ABCA13: variants seen among roughly 807,000 people sequenced by gnomAD.
ABCA13 encodes the protein ATP-binding cassette sub-family A member 13.
In ABCA13, 476 loss-of-function variants were observed where a neutral mutation model predicts 478.7. The observed-to-expected ratio is 0.99, with a 90% CI of 0.92 to 1.07. The LOEUF (loss-of-function observed/expected upper bound fraction) is 1.07, where lower values mean the gene tolerates loss of function less well. Ranked by LOEUF, ABCA13 falls within the 50% of genes least tolerant of loss-of-function variation. The pLI is 0.00. For synonymous variants in ABCA13, 2,252 were observed against 2,158.9 expected (o/e 1.04, Z -1.20); for missense variants, 6,060 against 5,910.6 (o/e 1.03, Z -0.83).
intron 1 of ABCA13, among the ~76,000 whole-genome samples, chr7:48,184,796 G>C (rs1796150263): frequency 6.6e-6 from 1 of 152,110 alleles, no homozygotes; most frequent in Admixed American, 6.5e-5. Context: ...CTTCAGCCTG[G>C]GTGACAGAGC....
chr7:48,438,889 T>G (rs201423985), intron 42 of ABCA13, among the ~76,000 whole-genome samples: 5 of 128,284 alleles, frequency 3.9e-5, no homozygotes, highest in Non-Finnish European at 3.5e-5. Context: ...CTAAGGTTTT[T>G]TTTTTTTTTT....
intron 58 of ABCA13, among the ~76,000 whole-genome samples, chr7:48,609,968 A>T (rs1791864608): frequency 6.6e-6 from 1 of 152,172 alleles, no homozygotes; most frequent in Admixed American, 6.5e-5. Flanking sequence ...TCTAAATCAT[A>T]TTATTTCATA....
rs1808848265 is a variant in ABCA13, at chr7:48,350,763, T to C, written c.10325T>C (p.Val3442Ala). ...AACCGTTTCCAGGCTCTGCAGTCTG[T>C]CGACATCCTGGAGACTAAAGCACAT... ...ALNRFQALQSVDILETKAHEL... is the reference protein window; with the variant it reads ...ALNRFQALQSADILETKAHEL... Residue 3442 changes from valine to alanine, a missense_variant, in exon 30 of 62, where the codon GTC becomes GCC. Coordinates refer to ENST00000435803, the MANE Select transcript of ABCA13 (RefSeq NM_152701.5). 1 of 1,613,794 alleles carries C rather than the reference T, an allele frequency of 6.2e-7. No individual in the cohort carries two copies. The highest frequency in any genetic ancestry group is 8.5e-7 in the Non-Finnish European group (1 of 1,179,858).
rs553144906 is a variant in ABCA13, at chr7:48,416,377, G to A, written c.12459+3794G>A. Reference sequence around the variant, plus strand: ...CATGTTTCCTTCTGCACCCCCTGGGGTGCTGAGAGAGCTGGGCCTCGACAG... The same window carrying A: ...CATGTTTCCTTCTGCACCCCCTGGGATGCTGAGAGAGCTGGGCCTCGACAG... On this transcript the variant is annotated intron_variant, in intron 41 of 61. Coordinates refer to ENST00000435803, the MANE Select transcript of ABCA13 (RefSeq NM_152701.5). Among the ~76,000 whole-genome samples the A allele has an allele frequency of 3.9e-5, 6 of 152,244 alleles. No individual in the cohort carries two copies. In the South Asian group the frequency reaches 1.0e-3, roughly 26 times the overall value.
intron 41 of ABCA13, among the ~76,000 whole-genome samples, chr7:48,426,236 A>G (rs1262298644): frequency 2.6e-5 from 4 of 152,228 alleles, no homozygotes; most frequent in Admixed American, 6.5e-5. Context: ...TATCTTTCAC[A>G]TGAAGGTAGC....
chr7:48,615,310 A>C lies in ABCA13; in HGVS notation c.14770A>C (p.Thr4924Pro). Residue 4924 changes from threonine (T) to proline (P), a missense_variant, in exon 59 of 62, where the codon ACA becomes CCA. Physicochemically the swap from Thr to Pro is conservative, Grantham distance 38. This residue lies in a region of ABCA13 where 1,627 missense variants were observed against 1,571.0 expected (regional missense o/e 1.04). Coordinates refer to ENST00000435803, the MANE Select transcript of ABCA13 (RefSeq NM_152701.5). ...CATGGAGGAGTGTGAGGCTCTTTGC[A>C]CAAGACTGGCCATAATGGTTAACGG... ...HSMEECEALC[T>P]RLAIMVNGSF... is the part of the protein sequence containing the mutation. The C allele has an allele frequency of 6.3e-7, 1 of 1,577,012 alleles. No individual in the cohort carries two copies. Among genetic ancestry groups the C allele is most frequent in the East Asian group, 2.3e-5 (1 of 43,564 alleles).
In ABCA13 at chr7:48,272,127, A is replaced by G; in HGVS notation, c.2461A>G (p.Arg821Gly). The change falls in exon 17 of 62, where the codon AGA (arginine) becomes GGA (glycine). Residue 821 changes from arginine (R) to glycine (G), a missense_variant. Coordinates refer to ENST00000435803, the MANE Select transcript of ABCA13 (RefSeq NM_152701.5). ...WIRKEPKNLL[R>G]FIELILFEIN... Reference sequence around the variant, plus strand: ...AAGGAAGGAACCAAAAAATCTTTTGAGATTCATAGAATTAATACTTTTTGA... The same window carrying G: ...AAGGAAGGAACCAAAAAATCTTTTGGGATTCATAGAATTAATACTTTTTGA... The G allele has an allele frequency of 6.2e-7, 1 of 1,613,578 alleles. No homozygotes were observed. The highest frequency in any genetic ancestry group is 8.5e-7 in the Non-Finnish European group (1 of 1,179,670).
chr7:48,289,097 A>G (rs975488517), intron 20 of ABCA13, among the ~76,000 whole-genome samples: 2 of 152,196 alleles, frequency 1.3e-5, no homozygotes, highest in African/African-American at 2.4e-5. Flanking sequence ...AGACTCCCAC[A>G]GCATGGCAAG....
chr7:48,257,741 A>C (rs946282723), intron 15 of ABCA13, among the ~76,000 whole-genome samples: 1 of 152,120 alleles, frequency 6.6e-6, no homozygotes, highest in African/African-American at 2.4e-5. Context: ...ATGTTCATCA[A>C]GCATACTGGC....
At chr7:48,616,466 G>A (rs924726880) in intron 59 of ABCA13, among the ~76,000 whole-genome samples, 2 of 152,140 alleles carry the variant, frequency 1.3e-5, no homozygotes, top group African/African-American at 4.8e-5. Flanking sequence ...ACCCATTCTT[G>A]ATTGTTGGGT....
chr7:48,598,545 G>A (rs1043879209), intron 58 of ABCA13, among the ~76,000 whole-genome samples: 1 of 152,094 alleles, frequency 6.6e-6, no homozygotes, highest in African/African-American at 2.4e-5. Flanking sequence ...AATTGTAATA[G>A]TTCTTTTTAT....
chr7:48,586,234 G>A (rs993955770), intron 56 of ABCA13, among the ~76,000 whole-genome samples: 8 of 152,096 alleles, frequency 5.3e-5, no homozygotes, highest in Non-Finnish European at 1.2e-4. Context: ...TTGGGTCTTG[G>A]CAAAGTGGTT....
intron 55 of ABCA13, among the ~76,000 whole-genome samples, chr7:48,556,695 T>C (rs74940523): frequency 0.018 from 2,695 of 152,056 alleles, 67 homozygotes; most frequent in African/African-American, 0.061. Context: ...CTATGTGTAT[T>C]TTTATAGGAA....
chr7:48,269,093 A>G lies in ABCA13; in HGVS notation c.2119A>G (p.Arg707Gly). ...LLKSPTASISRALNFTKHLLM... is the reference protein window; with the variant it reads ...LLKSPTASISGALNFTKHLLM... Reference sequence around the variant, plus strand: ...CAAGTCTCCAACAGCTTCCATATCCAGGTAAGTTATCAGAATCCAACTTCT... The same window carrying G: ...CAAGTCTCCAACAGCTTCCATATCCGGGTAAGTTATCAGAATCCAACTTCT... Residue 707 changes from arginine to glycine, a missense_variant and splice_region_variant, in exon 16 of 62, where the codon AGG (arginine) becomes GGG (glycine). Around this residue, in one of 3 missense-constraint regions of ABCA13, gnomAD observed 4,423 missense variants for 4,309.1 expected, o/e 1.03. Transcript: ENST00000435803. The G allele has an allele frequency of 6.6e-7, 1 of 1,515,298 alleles. No homozygotes were observed. The highest frequency in any genetic ancestry group is 9.1e-7 in the Non-Finnish European group (1 of 1,093,344). 93.9% of individuals were successfully genotyped at this position (1,515,298 alleles called of 1,614,324 possible). A position where few individuals can be genotyped will look rare whatever the true frequency, so the allele number is the denominator to read the frequency against.
chr7:48,351,511 G>A (rs765733453), intron 30 of ABCA13, among the ~76,000 whole-genome samples: 1 of 152,092 alleles, frequency 6.6e-6, no homozygotes, highest in South Asian at 2.1e-4. Flanking sequence ...TTGGCTTGTA[G>A]GTGGCCATCT....
At chr7:48,417,655 A>G (rs1820207856) in intron 41 of ABCA13, among the ~76,000 whole-genome samples, 1 of 152,114 alleles carries the variant, frequency 6.6e-6, no homozygotes. Context: ...AGAATGGCTC[A>G]TTTGTTACAA....
intron 15 of ABCA13, among the ~76,000 whole-genome samples, chr7:48,257,446 A>G (rs1793560934): frequency 6.6e-6 from 1 of 151,940 alleles, no homozygotes; most frequent in Non-Finnish European, 1.5e-5. Flanking sequence ...TTTTTCATCG[A>G]TGGGCTGTTA....
At chr7:48,525,340 A>T (rs1356320713) in intron 54 of ABCA13, among the ~76,000 whole-genome samples, 6 of 152,104 alleles carry the variant, frequency 3.9e-5, no homozygotes, top group Non-Finnish European at 8.8e-5. Flanking sequence ...CCCTTGCTTT[A>T]AAAATCATGA....
rs1243840015 is a variant in ABCA13, at chr7:48,403,824, G to T, written c.12015G>T (p.Gly4005=). 1 of 1,613,668 alleles carries T rather than the reference G, an allele frequency of 6.2e-7. No homozygotes were observed. The highest frequency in any genetic ancestry group is 8.5e-7 in the Non-Finnish European group (1 of 1,179,798). Residue 4005 remains glycine, a synonymous_variant, in exon 39 of 62, where the codon GGG becomes GGT. Transcript: ENST00000435803. ...TGGTTCTGGATGAGCCCACCAGTGGGGTGGACCCTTGCTCCCGGCATAGCC... is the reference window on the plus strand; with the variant it reads ...TGGTTCTGGATGAGCCCACCAGTGGTGTGGACCCTTGCTCCCGGCATAGCC... The part of the protein sequence containing the change: ...RTVVLDEPTS[G]VDPCSRHSLW...
Sources: gnomAD v4.1 joint callset for allele counts (sites outside exome capture counted in the v4.1 genomes callset) on GRCh38, gnomAD v4.1.1 for gene constraint, gnomAD v4.1.1 regional missense constraint, MANE v1.5 for transcripts, NCBI Gene and HGNC (gene_info 2026-07-23, HGNC 2026-07-21) for gene names.